Variants in MSRB3 observed in about 807,000 individuals in gnomAD.
MSRB3 encodes the protein methionine-R-sulfoxide reductase B3.
In MSRB3, 13 loss-of-function variants were observed where a neutral mutation model predicts 21.0. The observed-to-expected ratio is 0.62, with a 90% CI of 0.40 to 0.98. MSRB3 has a LOEUF of 0.98. Among genes scored for constraint, MSRB3 ranks in the 50% least tolerant of loss-of-function variants. The pLI is 0.00. For synonymous variants in MSRB3, 87 were observed against 88.6 expected, an observed-to-expected ratio of 0.98 and a Z score of 0.10; for missense variants, 199 against 230.3, an observed-to-expected ratio of 0.86 and a Z score of 0.88.
intron 4 of MSRB3, among the ~76,000 whole-genome samples, chr12:65,332,025 A>G (rs1875455492): frequency 6.6e-6 from 1 of 152,230 alleles, no homozygotes; most frequent in Admixed American, 6.5e-5. Flanking sequence ...CAGCTGGCAA[A>G]GTTAGACCTC....
At chr12:65,282,298 C>G (rs146709728) in intron 1 of MSRB3, among the ~76,000 whole-genome samples, 245 of 147,922 alleles carry the variant, frequency 1.7e-3, no homozygotes, top group African/African-American at 5.8e-3. Context: ...GCCTGGGCGA[C>G]AAGAGCAAAA....
intron 1 of MSRB3, among the ~76,000 whole-genome samples, chr12:65,282,370 G>T (rs1872080073): frequency 6.6e-6 from 1 of 151,716 alleles, no homozygotes; most frequent in Non-Finnish European, 1.5e-5. Context: ...TCATATATTT[G>T]TCTGTATAGT....
At chr12:65,318,093 A>T (rs1178336024) in intron 2 of MSRB3, among the ~76,000 whole-genome samples, 1 of 149,502 alleles carries the variant, frequency 6.7e-6, no homozygotes, top group African/African-American at 2.5e-5. Flanking sequence ...AGTAAAGTGG[A>T]TTTTTTTTTT....
intron 1 of MSRB3, among the ~76,000 whole-genome samples, chr12:65,303,950 C>T (rs1049231226): frequency 1.3e-5 from 2 of 151,892 alleles, no homozygotes; most frequent in African/African-American, 2.4e-5. Context: ...GTGTGGGGTG[C>T]GGTGGGTTGT....
chr12:65,301,570 G>A (rs1329718801), intron 1 of MSRB3, among the ~76,000 whole-genome samples: 5 of 152,086 alleles, frequency 3.3e-5, no homozygotes, highest in East Asian at 1.9e-4. Flanking sequence ...TGTATAACTC[G>A]GTGAACCAAT....
At chr12:65,432,037 A>C (rs912574264) in intron 5 of MSRB3, among the ~76,000 whole-genome samples, 1 of 152,026 alleles carries the variant, frequency 6.6e-6, no homozygotes, top group East Asian at 1.9e-4. Flanking sequence ...CTAAAATTTT[A>C]CCCCAAAAGC....
Position 65,463,506 on chromosome 12 carries a change from C to G in MSRB3, c.*184C>G, listed in dbSNP as rs895207326. ...CCATGTATTTTGCAATTGACTAGAT[C>G]AAGAACTGTTTATAGCTTTAGCAAA... On this transcript the variant is annotated 3_prime_UTR_variant, in exon 7 of 7. Transcript: ENST00000308259. The G allele has an allele frequency of 1.5e-6, 1 of 679,146 alleles. No homozygotes were observed. Among genetic ancestry groups the G allele is most frequent in the African/African-American group, 1.8e-5 (1 of 55,190 alleles). The allele number at this position is 679,146 out of a possible 1,614,324, so 42.1% of individuals were successfully genotyped here. A position where few individuals can be genotyped will look rare whatever the true frequency, so the allele number is the denominator to read the frequency against.
intron 6 of MSRB3, 142 bp downstream of exon 6, chr12:65,453,967 A>G (rs1592652201): frequency 1.4e-5 from 10 of 729,724 alleles, no homozygotes; most frequent in Non-Finnish European, 2.0e-5. Context: ...ATGGATGCCT[A>G]TGTTCAGGTG....
chr12:65,318,641 G>T (rs1471151286), intron 2 of MSRB3, among the ~76,000 whole-genome samples: 1 of 152,122 alleles, frequency 6.6e-6, no homozygotes, highest in Non-Finnish European at 1.5e-5. Context: ...CTCTTCCACT[G>T]TTGTCACTTG....
At chr12:65,319,860 G>T (rs1874545603) in intron 2 of MSRB3, among the ~76,000 whole-genome samples, 1 of 152,148 alleles carries the variant, frequency 6.6e-6, no homozygotes, top group African/African-American at 2.4e-5. Flanking sequence ...AATACTAAAA[G>T]TGCTGATAGC....
chr12:65,414,391 A>G (rs1275036838), intron 5 of MSRB3, among the ~76,000 whole-genome samples: 1 of 152,154 alleles, frequency 6.6e-6, no homozygotes, highest in Non-Finnish European at 1.5e-5. Context: ...TGACTGGACC[A>G]CATATAACAA....
chr12:65,295,000 TA>T, intron 1 of MSRB3, among the ~76,000 whole-genome samples: 2 of 152,044 alleles, frequency 1.3e-5, no homozygotes, highest in Non-Finnish European at 2.9e-5. Flanking sequence ...GTTACTTTTT[TA>T]AAAAAATTAT....
At chr12:65,386,974 A>G (rs953492090) in intron 5 of MSRB3, among the ~76,000 whole-genome samples, 6 of 152,048 alleles carry the variant, frequency 3.9e-5, no homozygotes, top group African/African-American at 1.2e-4. Context: ...CACCTTTAAT[A>G]TAGACTATAT....
At chr12:65,318,157 G>T (rs1874424355) in intron 2 of MSRB3, among the ~76,000 whole-genome samples, 1 of 151,946 alleles carries the variant, frequency 6.6e-6, no homozygotes, top group Non-Finnish European at 1.5e-5. Flanking sequence ...TTAGCTGTTT[G>T]TTGAGTGGCA....
chr12:65,338,802 C>T (rs1875950750), intron 4 of MSRB3, among the ~76,000 whole-genome samples: 1 of 152,136 alleles, frequency 6.6e-6, no homozygotes, highest in African/African-American at 2.4e-5. Context: ...AGGCTGGGCG[C>T]GGTGGCTCAT....
At chr12:65,410,357 A>G (rs1232690201) in intron 5 of MSRB3, among the ~76,000 whole-genome samples, 4 of 152,140 alleles carry the variant, frequency 2.6e-5, no homozygotes, top group African/African-American at 9.7e-5. Context: ...TGGACTTTGT[A>G]TTCAAACTCT....
At chr12:65,415,604 C>G (rs1360092552) in intron 5 of MSRB3, among the ~76,000 whole-genome samples, 1 of 152,172 alleles carries the variant, frequency 6.6e-6, no homozygotes, top group South Asian at 2.1e-4. Flanking sequence ...ATTTGTTGAA[C>G]TGGTAAATGA....
At chr12:65,431,939 A>G (rs2136664776) in intron 5 of MSRB3, among the ~76,000 whole-genome samples, 1 of 152,214 alleles carries the variant, frequency 6.6e-6, no homozygotes, top group Admixed American at 6.5e-5. Context: ...AGGCTAGTAG[A>G]ATATTGACAC....
At chr12:65,291,502 T>C (rs1329936503) in intron 1 of MSRB3, among the ~76,000 whole-genome samples, 2 of 150,420 alleles carry the variant, frequency 1.3e-5, no homozygotes, top group African/African-American at 4.9e-5. Context: ...AAAAAAAGCC[T>C]GCTCAAACCT....
Sources: gnomAD v4.1 joint callset for allele counts (sites outside exome capture counted in the v4.1 genomes callset) on GRCh38, gnomAD v4.1.1 for gene constraint, MANE v1.5 for transcripts, NCBI Gene and HGNC (gene_info 2026-07-23, HGNC 2026-07-21) for gene names.